MARCHF1: variants seen among roughly 807,000 people sequenced by gnomAD.
The protein encoded by MARCHF1 is E3 ubiquitin-protein ligase MARCHF1.
A neutral mutation model predicts 54.2 loss-of-function variants in MARCHF1; 40 were observed. That is an observed-to-expected ratio of 0.74 (90% CI 0.57 to 0.96). The LOEUF is 0.96. Among genes scored for constraint, MARCHF1 ranks in the 40% least tolerant of loss-of-function variants. MARCHF1 has a pLI of 0.00. For synonymous variants in MARCHF1, 236 were observed against 236.3 expected, an observed-to-expected ratio of 1.00 and a Z score of 0.01; for missense variants, 586 against 656.5, an observed-to-expected ratio of 0.89 and a Z score of 1.17.
intron 5 of MARCHF1, among the ~76,000 whole-genome samples, chr4:163,632,094 G>C (rs900238635): frequency 6.6e-6 from 1 of 152,136 alleles, no homozygotes; most frequent in African/African-American, 2.4e-5. Context: ...AACAAGTCTT[G>C]GTGAGGATGT....
At chr4:164,356,321 G>T (rs538942703) in intron 1 of MARCHF1, among the ~76,000 whole-genome samples, 1 of 140,530 alleles carries the variant, frequency 7.1e-6, no homozygotes, top group Non-Finnish European at 1.6e-5. Flanking sequence ...GAACAGGTAT[G>T]TTTATTGTGG....
chr4:164,010,062 CTTTTTTTTT>C (rs35143590), intron 2 of MARCHF1, among the ~76,000 whole-genome samples: 3 of 98,574 alleles, frequency 3.0e-5, no homozygotes, highest in African/African-American at 7.5e-5. Flanking sequence ...TCAAAAAACT[CTTTTTTTTT>C]TTTTTTTTTT....
intron 4 of MARCHF1, among the ~76,000 whole-genome samples, chr4:163,810,315 AT>A (rs1748348327): frequency 6.6e-6 from 1 of 152,200 alleles, no homozygotes; most frequent in South Asian, 2.1e-4. Flanking sequence ...ACTCAATAAT[AT>A]TTTTTAAAAT....
chr4:164,223,718 C>T (rs1253245005), intron 1 of MARCHF1, among the ~76,000 whole-genome samples: 1 of 151,738 alleles, frequency 6.6e-6, no homozygotes, highest in South Asian at 2.1e-4. Flanking sequence ...CAAATCCTTA[C>T]TGTCTTTGCT....
intron 2 of MARCHF1, among the ~76,000 whole-genome samples, chr4:164,010,238 TTTG>T (rs1215120287): frequency 6.6e-6 from 1 of 151,150 alleles, no homozygotes; most frequent in East Asian, 2.0e-4. Flanking sequence ...AGCGTTTTTT[TTTG>T]TTGTTGTTTT....
At chr4:163,637,288 C>T (rs1372563314) in intron 5 of MARCHF1, among the ~76,000 whole-genome samples, 1 of 152,120 alleles carries the variant, frequency 6.6e-6, no homozygotes, top group Admixed American at 6.5e-5. Context: ...GCAAAAGAAA[C>T]TACCATCAGA....
At chr4:164,295,038 C>T (rs534950041) in intron 1 of MARCHF1, among the ~76,000 whole-genome samples, 18 of 151,502 alleles carry the variant, frequency 1.2e-4, no homozygotes, top group Admixed American at 3.3e-4. Context: ...CACACATTTA[C>T]GTAAGTTTTA....
At chr4:164,325,714 C>T (rs1394416272) in intron 1 of MARCHF1, among the ~76,000 whole-genome samples, 1 of 151,290 alleles carries the variant, frequency 6.6e-6, no homozygotes, top group African/African-American at 2.4e-5. Flanking sequence ...GTGACAAGAG[C>T]GAGACTCACT....
intron 4 of MARCHF1, among the ~76,000 whole-genome samples, chr4:163,785,471 T>G (rs1200488839): frequency 6.6e-6 from 1 of 152,040 alleles, no homozygotes; most frequent in Non-Finnish European, 1.5e-5. Flanking sequence ...ATGGCTCTTT[T>G]GTTCCCATGT....
chr4:164,362,416 CCAG>C (rs1030510650), intron 1 of MARCHF1, among the ~76,000 whole-genome samples: 3 of 151,904 alleles, frequency 2.0e-5, no homozygotes, highest in African/African-American at 4.8e-5. Context: ...AGACATGAGT[CCAG>C]GGGGTACATG....
At chr4:163,758,817 C>T (rs934651585) in intron 4 of MARCHF1, among the ~76,000 whole-genome samples, 3 of 152,138 alleles carry the variant, frequency 2.0e-5, no homozygotes, top group Admixed American at 6.6e-5. Flanking sequence ...AGACAGATGC[C>T]TCTTGTTTTT....
At chr4:164,079,824 A>G (rs1181781046) in intron 2 of MARCHF1, among the ~76,000 whole-genome samples, 1 of 152,138 alleles carries the variant, frequency 6.6e-6, no homozygotes, top group African/African-American at 2.4e-5. Context: ...TTTGCATTTT[A>G]AGTAGCATAG....
chr4:164,220,233 C>CAT (rs1318033908), intron 1 of MARCHF1, among the ~76,000 whole-genome samples: 3 of 148,424 alleles, frequency 2.0e-5, no homozygotes, highest in African/African-American at 7.4e-5. Context: ...TACACACATA[C>CAT]ATATATATAC....
At chr4:163,543,552 A>G (rs1294416404) in intron 9 of MARCHF1, among the ~76,000 whole-genome samples, 3 of 152,082 alleles carry the variant, frequency 2.0e-5, no homozygotes, top group Admixed American at 6.6e-5. Context: ...TAGGAGTGGG[A>G]AATGAATTTG....
chr4:164,295,127 C>T (rs1159793500), intron 1 of MARCHF1, among the ~76,000 whole-genome samples: 1 of 151,922 alleles, frequency 6.6e-6, no homozygotes, highest in Non-Finnish European at 1.5e-5. Flanking sequence ...CTAGGTTGAA[C>T]AAAGAGACGC....
chr4:163,605,264 T>C (rs902989293), intron 7 of MARCHF1, among the ~76,000 whole-genome samples: 2 of 152,038 alleles, frequency 1.3e-5, no homozygotes, highest in Admixed American at 1.3e-4. Flanking sequence ...CAGACACTTC[T>C]CAAAAGAAGA....
At chr4:164,225,348 C>T (rs1302083675) in intron 1 of MARCHF1, among the ~76,000 whole-genome samples, 1 of 152,160 alleles carries the variant, frequency 6.6e-6, no homozygotes, top group East Asian at 1.9e-4. Context: ...ATTCAAGTAA[C>T]TCCTCTAACT....
chr4:163,728,631 T>A (rs1168582507), intron 4 of MARCHF1, among the ~76,000 whole-genome samples: 6 of 152,236 alleles, frequency 3.9e-5, no homozygotes, highest in Non-Finnish European at 2.9e-5. Context: ...AGTAATTGAC[T>A]TATATATATT....
intron 4 of MARCHF1, among the ~76,000 whole-genome samples, chr4:163,718,282 C>T (rs1385311657): frequency 1.3e-5 from 2 of 152,144 alleles, no homozygotes; most frequent in African/African-American, 4.8e-5. Context: ...GCAATGGCAA[C>T]AAAAGCCAAA....
Sources: gnomAD v4.1 joint callset for allele counts (sites outside exome capture counted in the v4.1 genomes callset) on GRCh38, gnomAD v4.1.1 for gene constraint, MANE v1.5 for transcripts, NCBI Gene and HGNC (gene_info 2026-07-23, HGNC 2026-07-21) for gene names.